The following MARCHF3 variants were observed in gnomAD, a reference collection of about 807,000 sequenced individuals.
MARCHF3 encodes membrane associated ring-CH-type finger 3.
A neutral mutation model predicts 24.2 loss-of-function variants in MARCHF3; 13 were observed. The ratio of observed to expected loss-of-function variants is 0.54; its 90% CI spans 0.35 to 0.85. The LOEUF (loss-of-function observed/expected upper bound fraction) is 0.85, where lower values mean the gene tolerates loss of function less well. Among genes scored for constraint, MARCHF3 ranks in the 40% least tolerant of loss-of-function variants. The pLI is 0.01. For synonymous variants in MARCHF3, 144 were observed against 137.3 expected (o/e 1.05, Z -0.34); for missense variants, 276 against 325.0 (o/e 0.85, Z 1.16).
At chr5:126,881,564 C>CTATGGT (rs1753342210) in intron 3 of MARCHF3, among the ~76,000 whole-genome samples, 1 of 151,888 alleles carries the variant, frequency 6.6e-6, no homozygotes, top group Non-Finnish European at 1.5e-5. Context: ...CATAGAATAC[C>CTATGGT]ATACATTAAT....
chr5:127,004,571 C>A (rs1399438221), intron 1 of MARCHF3, among the ~76,000 whole-genome samples: 1 of 152,142 alleles, frequency 6.6e-6, no homozygotes, highest in Admixed American at 6.5e-5. Context: ...AAATTCCATA[C>A]CTCCTTTATT....
At position 127,018,385 on chromosome 5, in the gene MARCHF3, CAAAT is replaced by C. The variant is rs201151621; in HGVS notation, c.-57+11961_-57+11964del. On this transcript the variant is annotated intron_variant, in intron 1 of 4. Coordinates refer to ENST00000308660, the MANE Select transcript of MARCHF3 (RefSeq NM_178450.5). The stretch of plus-strand genomic sequence containing the variant: ...GACTTCATCTCAAAAAATAAATAAA[CAAAT>C]AAATAAAATAAAAATAAAAAAAAGA... Among the ~76,000 whole-genome samples the C allele has an allele frequency of 2.3e-3, 343 of 151,574 alleles. 3 individuals carry two copies. In the East Asian group the frequency reaches 0.027, roughly 12 times the overall value.
rs74792060 is a variant in MARCHF3 at position 126,896,553 on chromosome 5, C to T, written c.394-18159G>A. Among the ~76,000 whole-genome samples the T allele has an allele frequency of 1.8e-3, 270 of 152,150 alleles. 3 individuals are homozygous for T. In the East Asian group the frequency reaches 0.042, roughly 24 times the overall value. Reference sequence around the variant, plus strand: ...AGGTGTCCCTGTGGCAGAACCAAGCCAACCATTAAAGAACCCAAGTTAATA... The same window carrying T: ...AGGTGTCCCTGTGGCAGAACCAAGCTAACCATTAAAGAACCCAAGTTAATA... On this transcript the variant is annotated intron_variant, in intron 3 of 4. Transcript: ENST00000308660.
At chr5:126,970,226 T>C (rs1750959513) in intron 1 of MARCHF3, among the ~76,000 whole-genome samples, 1 of 152,120 alleles carries the variant, frequency 6.6e-6, no homozygotes, top group African/African-American at 2.4e-5. Flanking sequence ...TAGCTGGGAT[T>C]ACGGGCACAT....
chr5:126,938,075 G>C (rs1749704505), intron 1 of MARCHF3, among the ~76,000 whole-genome samples: 2 of 151,788 alleles, frequency 1.3e-5, no homozygotes, highest in African/African-American at 4.8e-5. Context: ...AGCTATCACT[G>C]ACATTGATGA....
intron 3 of MARCHF3, among the ~76,000 whole-genome samples, chr5:126,880,374 C>T (rs138934888): frequency 2.6e-5 from 4 of 152,154 alleles, no homozygotes; most frequent in African/African-American, 7.2e-5. Flanking sequence ...GACTTGTCTG[C>T]GAATTTAAAT....
intron 1 of MARCHF3, among the ~76,000 whole-genome samples, chr5:126,920,192 G>A (rs1363690091): frequency 6.6e-6 from 1 of 151,944 alleles, no homozygotes; most frequent in Non-Finnish European, 1.5e-5. Flanking sequence ...TTTTTGAAAG[G>A]GTTGGCAGGG....
intron 1 of MARCHF3, among the ~76,000 whole-genome samples, chr5:127,014,886 T>G (rs1752585733): frequency 6.6e-6 from 1 of 152,198 alleles, no homozygotes; most frequent in Non-Finnish European, 1.5e-5. Flanking sequence ...AGTTCTAGTT[T>G]TATAGCACTG....
chr5:126,912,086 T>G (rs1754554114), intron 3 of MARCHF3, among the ~76,000 whole-genome samples: 1 of 151,990 alleles, frequency 6.6e-6, no homozygotes, highest in South Asian at 2.1e-4. Flanking sequence ...CCATTATGAG[T>G]AGAAACTCAC....
intron 1 of MARCHF3, among the ~76,000 whole-genome samples, chr5:126,996,724 A>C (rs1006662485): frequency 1.3e-5 from 2 of 152,114 alleles, no homozygotes; most frequent in African/African-American, 2.4e-5. Context: ...GAAAACTGGA[A>C]ATCACCTAAA....
intron 1 of MARCHF3, among the ~76,000 whole-genome samples, chr5:127,027,618 A>G (rs1753045912): frequency 6.6e-6 from 1 of 152,198 alleles, no homozygotes; most frequent in South Asian, 2.1e-4. Flanking sequence ...AGACTTCCTT[A>G]GAATCAGGGC....
intron 4 of MARCHF3, among the ~76,000 whole-genome samples, chr5:126,873,732 C>T (rs1182666264): frequency 6.6e-6 from 1 of 152,222 alleles, no homozygotes; most frequent in African/African-American, 2.4e-5. Flanking sequence ...TCTTATTATA[C>T]ATTAATCTAT....
chr5:127,021,575 C>T (rs1182785832), intron 1 of MARCHF3, among the ~76,000 whole-genome samples: 1 of 152,144 alleles, frequency 6.6e-6, no homozygotes, highest in Non-Finnish European at 1.5e-5. Context: ...GCTCTTGAAA[C>T]GGTCACTATC....
At chr5:126,930,037 T>C (rs1749430974) in intron 1 of MARCHF3, among the ~76,000 whole-genome samples, 1 of 152,118 alleles carries the variant, frequency 6.6e-6, no homozygotes, top group Non-Finnish European at 1.5e-5. Flanking sequence ...ATGTCTTTAT[T>C]AGCAGCATGA....
At chr5:126,875,781 G>A (rs186946504) in intron 4 of MARCHF3, among the ~76,000 whole-genome samples, 7 of 152,292 alleles carry the variant, frequency 4.6e-5, no homozygotes, top group African/African-American at 1.7e-4. Context: ...AAGGAGCCTG[G>A]GGCCAACACT....
intron 3 of MARCHF3, chr5:126,914,643 A>G: frequency 2.0e-6 from 1 of 502,284 alleles, no homozygotes; most frequent in Non-Finnish European, 3.6e-6. Context: ...AATGGAGATC[A>G]AGTCTCTAAA....
At chr5:126,919,779 C>T (rs1326761417) in intron 1 of MARCHF3, among the ~76,000 whole-genome samples, 1 of 152,210 alleles carries the variant, frequency 6.6e-6, no homozygotes, top group African/African-American at 2.4e-5. Flanking sequence ...TGGCTTTGCA[C>T]CAGCAGCCTC....
chr5:127,008,469 C>G (rs961492624), intron 1 of MARCHF3, among the ~76,000 whole-genome samples: 1 of 152,132 alleles, frequency 6.6e-6, no homozygotes, highest in Non-Finnish European at 1.5e-5. Flanking sequence ...AACTGGGTAA[C>G]GTCAATAAGT....
At chr5:126,955,254 C>T (rs1226288338) in intron 1 of MARCHF3, among the ~76,000 whole-genome samples, 1 of 152,214 alleles carries the variant, frequency 6.6e-6, no homozygotes, top group Non-Finnish European at 1.5e-5. Context: ...TTATTTTCAT[C>T]TCTCCATTAA....
Sources: allele counts gnomAD v4.1 joint callset (sites outside exome capture counted in the v4.1 genomes callset), GRCh38; gene constraint gnomAD v4.1.1; transcripts MANE v1.5; gene names NCBI Gene and HGNC (gene_info 2026-07-23, HGNC 2026-07-21).